Variants in CACNA1C observed in about 807,000 individuals in gnomAD.
The protein encoded by CACNA1C is calcium voltage-gated channel subunit alpha1 C, also known as voltage-dependent L-type calcium channel subunit alpha-1C.
CACNA1C carries 30 observed loss-of-function variants against 229.0 expected under a neutral mutation model. The observed-to-expected ratio is 0.13, with a 90% confidence interval of 0.10 to 0.18. The LOEUF is 0.18. Ranked by LOEUF, CACNA1C falls within the 10% of genes least tolerant of loss-of-function variation. The probability of loss-of-function intolerance (pLI) is 1.00; values close to 1 mark genes in which losing one functional copy is unlikely to be tolerated. For synonymous variants in CACNA1C, 1,114 were observed against 1,132.5 expected (o/e 0.98, Z 0.33); for missense variants, 1,658 against 2,845.0 (o/e 0.58, Z 9.49).
chr12:2,206,329 C>G (rs2097758428), intron 3 of CACNA1C, among the ~76,000 whole-genome samples: 1 of 152,138 alleles, frequency 6.6e-6, no homozygotes. Context: ...AGATGAGACT[C>G]TGAGGGTTGG....
chr12:2,147,167 G>A (rs2094796657), intron 3 of CACNA1C, among the ~76,000 whole-genome samples: 1 of 151,330 alleles, frequency 6.6e-6, no homozygotes, highest in Admixed American at 6.6e-5. Context: ...TGAGAGAGGG[G>A]GGGAACCTCC....
At chr12:2,521,060 G>A (rs1240811748) in intron 9 of CACNA1C, among the ~76,000 whole-genome samples, 1 of 152,232 alleles carries the variant, frequency 6.6e-6, no homozygotes, top group Non-Finnish European at 1.5e-5. Context: ...AGGCCAAAAC[G>A]ATAACCTTGA....
intron 14 of CACNA1C, among the ~76,000 whole-genome samples, 195 bp downstream of exon 14, chr12:2,581,992 T>G (rs1258056380): frequency 6.6e-6 from 1 of 151,434 alleles, no homozygotes; most frequent in East Asian, 1.9e-4. Flanking sequence ...ATTCCACTAG[T>G]GGGTGGACCA....
chr12:2,282,907 T>G (rs1329845438), intron 3 of CACNA1C, among the ~76,000 whole-genome samples: 1 of 152,216 alleles, frequency 6.6e-6, no homozygotes, highest in Non-Finnish European at 1.5e-5. Context: ...GCTTTTCATA[T>G]TCAAGCTGAT....
At chr12:2,020,224 C>T (rs983970857) in intron 1 of CACNA1C, 20 of 152,182 alleles carry the variant, frequency 1.3e-4, no homozygotes, top group African/African-American at 4.6e-4. Context: ...CCATGTGAAG[C>T]GCTTTGCTTG....
intron 3 of CACNA1C, among the ~76,000 whole-genome samples, chr12:2,411,230 C>T (rs1172555255): frequency 6.6e-6 from 1 of 152,098 alleles, no homozygotes; most frequent in African/African-American, 2.4e-5. Flanking sequence ...CCTCAGCCCA[C>T]AGCAGCCCTG....
In CACNA1C at chr12:2,467,187, T is replaced by C. The variant is rs1004264725; in HGVS notation, c.757+9481T>C. Among the ~76,000 whole-genome samples the C allele has an allele frequency of 9.2e-5, 14 of 152,062 alleles. No individual in the cohort carries two copies. The highest frequency in any genetic ancestry group is 3.4e-4 in the African/African-American group (14 of 41,422). ...TCTAAGCCCTTTCCCTCCCACTTCT[T>C]TCACTGCCACAGGAAGTACTCAAAC... On this transcript the variant is annotated intron_variant, in intron 5 of 46. Coordinates refer to ENST00000399655, the MANE Select transcript of CACNA1C (RefSeq NM_000719.7). This position sits in a 1 kb window ranked among gnomAD's most constrained non-coding sequence, Gnocchi z 4.6.
At chr12:2,289,958 G>A (rs1293686028) in intron 3 of CACNA1C, among the ~76,000 whole-genome samples, 1 of 152,192 alleles carries the variant, frequency 6.6e-6, no homozygotes, top group Non-Finnish European at 1.5e-5. Context: ...AGATGCTGAA[G>A]GAGAGAAGTT....
chr12:2,119,175 A>C (rs2085360217), intron 2 of CACNA1C, among the ~76,000 whole-genome samples: 1 of 152,166 alleles, frequency 6.6e-6, no homozygotes, highest in Admixed American at 6.5e-5. Context: ...TGGGCCTCAG[A>C]GGGTTAGACT....
At chr12:2,500,105 T>C (rs1020286301) in intron 7 of CACNA1C, among the ~76,000 whole-genome samples, 11 of 152,208 alleles carry the variant, frequency 7.2e-5, no homozygotes, top group Admixed American at 4.6e-4. Flanking sequence ...CCTGGCCTCG[T>C]CCGTCTCCAT....
At chr12:2,268,411 T>C (rs1159328795) in intron 3 of CACNA1C, among the ~76,000 whole-genome samples, 1 of 152,234 alleles carries the variant, frequency 6.6e-6, no homozygotes, top group Non-Finnish European at 1.5e-5. Context: ...CAGCTGCTCT[T>C]GTTCCAGAAG....
chr12:2,463,672 A>G (rs930532050), intron 5 of CACNA1C, among the ~76,000 whole-genome samples: 1 of 152,198 alleles, frequency 6.6e-6, no homozygotes, highest in Non-Finnish European at 1.5e-5. Flanking sequence ...ACACAAAGGA[A>G]GGAGAGTGGC....
At position 2,493,915 on chromosome 12, in the gene CACNA1C, A is replaced by G. The variant is rs975235030; in HGVS notation, c.1113+529A>G. 5.9e-5 allele frequency among the ~76,000 whole-genome samples: 9 copies of G among 152,346 alleles called. No individual in the cohort carries two copies. Among genetic ancestry groups the G allele is most frequent in the South Asian group, 2.1e-4 (1 of 4,818 alleles). ...CTTTTTATTTTACTCTTACCTTAAC[A>G]TATTAGAATAGTCCATCAGACAAAT... On this transcript the variant is annotated intron_variant, in intron 7 of 46. Transcript: ENST00000399655. This position sits in a 1 kb window ranked among gnomAD's most constrained non-coding sequence, Gnocchi z 4.6.
In CACNA1C at chr12:2,354,832, C is replaced by T. The variant is rs2097308717; in HGVS notation, c.478-94144C>T. 6.6e-6 allele frequency among the ~76,000 whole-genome samples: 1 copy of T among 152,212 alleles called. No individual in the cohort carries two copies. The highest frequency in any genetic ancestry group is 1.5e-5 in the Non-Finnish European group (1 of 68,048). On this transcript the variant is annotated intron_variant, in intron 3 of 46. Transcript: ENST00000399655. This position sits in a 1 kb window ranked among gnomAD's most constrained non-coding sequence, Gnocchi z 4.6. ...CCTGGGCTGCTCTCCACCTTCCAGG[C>T]TTAGCTGGAGTAACCATTTCAGAGC...
chr12:2,447,792 C>A (rs1039467586), intron 3 of CACNA1C, among the ~76,000 whole-genome samples: 1 of 152,230 alleles, frequency 6.6e-6, no homozygotes, highest in Non-Finnish European at 1.5e-5. Flanking sequence ...GCCTGGAACA[C>A]CCCCTCACCA....
chr12:2,259,749 T>C (rs2079348537), intron 3 of CACNA1C, among the ~76,000 whole-genome samples: 1 of 152,076 alleles, frequency 6.6e-6, no homozygotes, highest in South Asian at 2.1e-4. Context: ...GCCTGGGCAA[T>C]GTAGCAAGAC....
chr12:2,381,436 T>C (rs753708046), intron 3 of CACNA1C, among the ~76,000 whole-genome samples: 1 of 152,224 alleles, frequency 6.6e-6, no homozygotes, highest in Non-Finnish European at 1.5e-5. Flanking sequence ...AGACAGATGA[T>C]GGATACTCGG....
intron 6 of CACNA1C, among the ~76,000 whole-genome samples, chr12:2,487,947 A>G (rs1567980912): frequency 6.6e-6 from 1 of 152,180 alleles, no homozygotes; most frequent in Admixed American, 6.5e-5. Flanking sequence ...AAGTTCATGC[A>G]GTTGTATTGA....
chr12:2,345,612 C>T (rs112249161), intron 3 of CACNA1C, among the ~76,000 whole-genome samples: 21 of 152,238 alleles, frequency 1.4e-4, no homozygotes, highest in Middle Eastern at 3.4e-3. Context: ...GAAAGTGGCA[C>T]GGCTGGACTG....
Sources: gnomAD v4.1 joint callset for allele counts (sites outside exome capture counted in the v4.1 genomes callset) on GRCh38, gnomAD v4.1.1 for gene constraint, Gnocchi (gnomAD v3.1) non-coding constraint, MANE v1.5 for transcripts, NCBI Gene and HGNC (gene_info 2026-07-23, HGNC 2026-07-21) for gene names.